Variants in ARHGEF7 observed in about 807,000 individuals in gnomAD.
The protein encoded by ARHGEF7 is Rho guanine nucleotide exchange factor 7.
Under a neutral mutation model 109.8 loss-of-function variants are expected in ARHGEF7, and 33 were observed. That is an observed-to-expected ratio of 0.30 (90% CI 0.23 to 0.40). ARHGEF7 has a LOEUF of 0.40. Ranked by LOEUF, ARHGEF7 falls within the 10% of genes least tolerant of loss-of-function variation. The probability of loss-of-function intolerance (pLI) is 1.00; values close to 1 mark genes in which losing one functional copy is unlikely to be tolerated. For synonymous variants in ARHGEF7, 458 were observed against 424.6 expected (o/e 1.08, Z -0.97); for missense variants, 938 against 1,098.5 (o/e 0.85, Z 2.07).
At chr13:111,291,303 T>C (rs1418125447) in intron 18 of ARHGEF7, among the ~76,000 whole-genome samples, 2 of 152,266 alleles carry the variant, frequency 1.3e-5, no homozygotes, top group Non-Finnish European at 2.9e-5. Flanking sequence ...TCTCCTGACA[T>C]GTTGTGCCAC....
rs2085529309 is a variant in ARHGEF7 at position 111,228,496 on chromosome 13, A to G, written c.671-4709A>G. Among the ~76,000 whole-genome samples the G allele has an allele frequency of 6.6e-6, 1 of 152,168 alleles. No individual in the cohort carries two copies. The highest frequency in any genetic ancestry group is 2.4e-5 in the African/African-American group (1 of 41,448). ...AGCGGATGAGGCAGGCTCGATGCTGAGGACTGCTAACACTGTTAAGAGTCT... is the reference window on the plus strand; with the variant it reads ...AGCGGATGAGGCAGGCTCGATGCTGGGGACTGCTAACACTGTTAAGAGTCT... On this transcript the variant is annotated intron_variant, in intron 5 of 21. Coordinates refer to ENST00000646102, the MANE Select transcript of ARHGEF7 (RefSeq NM_001354046.2). This position sits in a 1 kb window ranked among gnomAD's most constrained non-coding sequence, Gnocchi z 4.6.
At chr13:111,241,138 A>C (rs2087705860) in intron 6 of ARHGEF7, 1 of 1,528,694 alleles carries the variant, frequency 6.5e-7, no homozygotes, top group Admixed American at 2.0e-5. Context: ...ACCCCCGGGA[A>C]GCTGGCACTG....
intron 1 of ARHGEF7, among the ~76,000 whole-genome samples, chr13:111,122,245 G>A (rs2067246871): frequency 6.6e-6 from 1 of 152,164 alleles, no homozygotes; most frequent in Non-Finnish European, 1.5e-5. Context: ...GGCTGAGCGG[G>A]TGGACTCAGG....
chr13:111,211,147 A>G (rs2153477208), intron 4 of ARHGEF7, among the ~76,000 whole-genome samples: 1 of 152,334 alleles, frequency 6.6e-6, no homozygotes, highest in African/African-American at 2.4e-5. Context: ...TGAGTGCTGC[A>G]GTCCTCACAG....
In ARHGEF7 at chr13:111,115,560, A is replaced by T; in HGVS notation, c.34A>T (p.Ile12Phe). The change falls in exon 1 of 22, where the codon ATC becomes TTC. Residue 12 changes from isoleucine (I) to phenylalanine (F), a missense_variant. Physicochemically the swap from Ile to Phe is conservative, Grantham distance 21 (BLOSUM62 0). This residue lies in a region of ARHGEF7 where 165 missense variants were observed against 125.8 expected (regional missense o/e 1.31). Transcript: ENST00000646102. ...NSAEQTVTWL[I>F]TLGVLESPKK... ...CGCCGAGCAAACCGTTACGTGGCTC[A>T]TCACTCTGGGGGTGCTGGAGTCGCC... 1 of 1,420,288 alleles carries T rather than the reference A, an allele frequency of 7.0e-7. No homozygotes were observed. Among genetic ancestry groups the T allele is most frequent in the Non-Finnish European group, 9.4e-7 (1 of 1,069,262 alleles). The allele number at this position is 1,420,288 out of a possible 1,614,324, so 88.0% of individuals were successfully genotyped here.
chr13:111,229,990 G>A (rs570402843), intron 5 of ARHGEF7, among the ~76,000 whole-genome samples: 1 of 152,210 alleles, frequency 6.6e-6, no homozygotes, highest in African/African-American at 2.4e-5. Context: ...ATTTGCTTGG[G>A]TTGGAGCAGG....
chr13:111,115,862 C>T (rs1415113302), intron 1 of ARHGEF7, among the ~76,000 whole-genome samples, 171 bp downstream of exon 1: 1 of 149,760 alleles, frequency 6.7e-6, no homozygotes, highest in Non-Finnish European at 1.5e-5. Context: ...TCGGGGGGCG[C>T]CATTGTGTGC....
intron 21 of ARHGEF7, 85 bp from the exon 22 acceptor site, chr13:111,302,906 G>A: frequency 6.5e-7 from 1 of 1,541,338 alleles, no homozygotes; most frequent in South Asian, 1.2e-5. Flanking sequence ...CGAGGCCTTA[G>A]CTCCTCAAGG....
chr13:111,160,275 C>G (rs1302419850), intron 2 of ARHGEF7, among the ~76,000 whole-genome samples: 2 of 151,578 alleles, frequency 1.3e-5, no homozygotes, highest in African/African-American at 4.8e-5. Flanking sequence ...ACTTTGAAAT[C>G]AGGTAGTGTG....
chr13:111,190,781 T>C (rs2079790526), intron 2 of ARHGEF7, among the ~76,000 whole-genome samples: 2 of 152,136 alleles, frequency 1.3e-5, no homozygotes, highest in African/African-American at 4.8e-5. Flanking sequence ...GAGGCAGATA[T>C]AGGTCGATGT....
In ARHGEF7 at chr13:111,145,034, T is replaced by TC. The variant is rs2075521231; in HGVS notation, c.166-8871_166-8870insC. Among the ~76,000 whole-genome samples the TC allele has an allele frequency of 8.2e-5, 2 of 24,538 alleles. No homozygotes were observed. The highest frequency in any genetic ancestry group is 8.6e-5 in the Non-Finnish European group (1 of 11,690). 16.1% of individuals were successfully genotyped at this position (24,538 alleles called of 152,430 possible). A position where few individuals can be genotyped will look rare whatever the true frequency, so the allele number is the denominator to read the frequency against. ...ACACCTACATACATTTTCTTCTTGC[T>TC]TTTTTTTTTTAAAAACACAAAAGGT... On this transcript the variant is annotated intron_variant, in intron 1 of 21. Transcript: ENST00000646102. The surrounding 1 kb of genome is among the most constrained non-coding windows in gnomAD (Gnocchi z 4.3).
At chr13:111,290,518 A>G (rs889429181) in intron 18 of ARHGEF7, among the ~76,000 whole-genome samples, 1 of 152,126 alleles carries the variant, frequency 6.6e-6, no homozygotes, top group Non-Finnish European at 1.5e-5. Flanking sequence ...CCTGGAACCA[A>G]TCCCCTGTGG....
At chr13:111,265,500 G>C (rs1398603441) in intron 8 of ARHGEF7, 3 of 453,150 alleles carry the variant, frequency 6.6e-6, no homozygotes, top group South Asian at 4.7e-5. Flanking sequence ...CTTAGCCGCG[G>C]AGCGGAAAGC....
intron 5 of ARHGEF7, among the ~76,000 whole-genome samples, chr13:111,219,860 G>C (rs902242991): frequency 6.6e-5 from 10 of 152,136 alleles, no homozygotes; most frequent in African/African-American, 2.2e-4. Context: ...TTGAAGACAA[G>C]TATTGCTGGG....
In ARHGEF7 at chr13:111,277,662, T is replaced by C; in HGVS notation, c.1495T>C (p.Phe499Leu). ...GTCTGCCAGTCCTAGGATGAGTGGC[T>C]TTATCTATCAGGTAAAACACAATTT... is the stretch of plus-strand genomic sequence containing the variant. ...MLSASPRMSGFIYQGKLPTTG... is the reference protein window; with the variant it reads ...MLSASPRMSGLIYQGKLPTTG... Residue 499 changes from phenylalanine to leucine, a missense_variant, in exon 13 of 22, where the codon TTT (phenylalanine) becomes CTT (leucine). Phe to Leu is a conservative substitution (Grantham distance 22). Coordinates refer to ENST00000646102, the MANE Select transcript of ARHGEF7 (RefSeq NM_001354046.2). 2 of 1,591,250 alleles carry C rather than the reference T, an allele frequency of 1.3e-6. No homozygotes were observed. The highest frequency in any genetic ancestry group is 1.7e-6 in the Non-Finnish European group (2 of 1,159,556).
intron 5 of ARHGEF7, among the ~76,000 whole-genome samples, chr13:111,221,229 ATATAGATATATATGTCTATATATATC>A (rs2083878885): frequency 1.6e-4 from 9 of 57,900 alleles, no homozygotes; most frequent in African/African-American, 7.2e-4. Context: ...ATATATATCT[ATATAGATATATATGTCTATATATATC>A]TATATAGATA....
chr13:111,202,713 G>A (rs2081342071), intron 2 of ARHGEF7, among the ~76,000 whole-genome samples: 1 of 152,148 alleles, frequency 6.6e-6, no homozygotes, highest in African/African-American at 2.4e-5. Flanking sequence ...TAAAAGTTTT[G>A]AGACTTCCCT....
intron 19 of ARHGEF7, among the ~76,000 whole-genome samples, chr13:111,297,229 G>T (rs557173522): frequency 6.6e-6 from 1 of 152,194 alleles, no homozygotes; most frequent in South Asian, 2.1e-4. Flanking sequence ...AAACTAGGCA[G>T]ATTATTAGAA....
At chr13:111,241,075 T>G in intron 6 of ARHGEF7, 1 of 1,432,896 alleles carries the variant, frequency 7.0e-7, no homozygotes, top group Non-Finnish European at 9.2e-7. Flanking sequence ...GCGGGCAGCA[T>G]AGGGATTGAG....
Sources: allele counts gnomAD v4.1 joint callset (sites outside exome capture counted in the v4.1 genomes callset), GRCh38; gene constraint gnomAD v4.1.1; regional missense constraint gnomAD v4.1.1; non-coding constraint Gnocchi (gnomAD v3.1); transcripts MANE v1.5; gene names NCBI Gene and HGNC (gene_info 2026-07-23, HGNC 2026-07-21).